FHIP2A: variants seen among roughly 807,000 people sequenced by gnomAD.
FHIP2A encodes FHF complex subunit HOOK interacting protein 2A, also known as family with sequence similarity 160 member B1.
A neutral mutation model predicts 93.5 loss-of-function variants in FHIP2A; 46 were observed. That is an observed-to-expected ratio of 0.49 (90% CI 0.39 to 0.63). The LOEUF (loss-of-function observed/expected upper bound fraction) is 0.63. Among genes scored for constraint, FHIP2A ranks in the 20% least tolerant of loss-of-function variants. The pLI, the probability that FHIP2A is intolerant of heterozygous loss-of-function variation, is 0.00. For synonymous variants in FHIP2A, 332 were observed against 326.5 expected, an observed-to-expected ratio of 1.02 and a Z score of -0.18; for missense variants, 769 against 909.7, an observed-to-expected ratio of 0.85 and a Z score of 1.99.
At chr10:114,885,255 C>T (rs892551218) in intron 16 of FHIP2A, among the ~76,000 whole-genome samples, 2 of 151,682 alleles carry the variant, frequency 1.3e-5, no homozygotes, top group Non-Finnish European at 1.5e-5. Flanking sequence ...ATTAGCTGGG[C>T]GTGGTAGCAA....
chr10:114,830,721 G>T, intron 1 of FHIP2A, 131 bp from the exon 2 acceptor site: 1 of 482,220 alleles, frequency 2.1e-6, no homozygotes, highest in Non-Finnish European at 3.7e-6. Flanking sequence ...TTTAATATCT[G>T]ACATATAAAA....
chr10:114,837,678 C>G (rs1278934369), intron 5 of FHIP2A, among the ~76,000 whole-genome samples: 1 of 152,196 alleles, frequency 6.6e-6, no homozygotes, highest in East Asian at 1.9e-4. Context: ...TGTCACACTA[C>G]CCCATGATCC....
intron 14 of FHIP2A, among the ~76,000 whole-genome samples, chr10:114,859,050 A>G (rs1208268471): frequency 1.3e-5 from 2 of 152,168 alleles, no homozygotes; most frequent in Admixed American, 6.5e-5. Flanking sequence ...ATTACCAAGT[A>G]GGAGAATTTA....
At chr10:114,870,992 G>T (rs187362034) in intron 16 of FHIP2A, among the ~76,000 whole-genome samples, 71 of 151,446 alleles carry the variant, frequency 4.7e-4, no homozygotes, top group African/African-American at 1.6e-3. Context: ...TCAGCAATGG[G>T]TCCATAGCAA....
intron 5 of FHIP2A, among the ~76,000 whole-genome samples, chr10:114,840,594 G>A: frequency 6.6e-6 from 1 of 152,202 alleles, no homozygotes; most frequent in East Asian, 1.9e-4. Flanking sequence ...AAGTAACAAG[G>A]ACTACGACCA....
At chr10:114,858,672 A>C (rs974101514) in intron 14 of FHIP2A, among the ~76,000 whole-genome samples, 1 of 150,254 alleles carries the variant, frequency 6.7e-6, no homozygotes, top group African/African-American at 2.5e-5. Context: ...ATGTGAATTC[A>C]TTGTTTATTA....
chr10:114,841,060 T>C (rs956008387), intron 5 of FHIP2A, among the ~76,000 whole-genome samples: 2 of 152,084 alleles, frequency 1.3e-5, no homozygotes, highest in South Asian at 2.1e-4. Flanking sequence ...CCTCCAGATA[T>C]TCAACAGGTC....
Position 114,833,227 on chromosome 10 carries a change from G to A in FHIP2A, c.125-6G>A, listed in dbSNP as rs1344261065. The A allele has an allele frequency of 2.5e-6, 4 of 1,595,890 alleles. No individual in the cohort carries two copies. The highest frequency in any genetic ancestry group is 3.4e-6 in the Non-Finnish European group (4 of 1,170,944). ...AAATATTTGATGAATGTTTTTTATT[G>A]TTTAGATGATAAAGCCCCAGTGACC... On this transcript the variant is annotated splice_polypyrimidine_tract_variant and splice_region_variant and intron_variant, in intron 2 of 16. Coordinates refer to ENST00000369248, the MANE Select transcript of FHIP2A (RefSeq NM_020940.4).
intron 16 of FHIP2A, among the ~76,000 whole-genome samples, chr10:114,891,307 TGAGA>T (rs1369472250): frequency 6.6e-6 from 1 of 151,116 alleles, no homozygotes; most frequent in Non-Finnish European, 1.5e-5. Flanking sequence ...TAATTCAGTG[TGAGA>T]GAAAGAATGG....
rs1001286441 is a variant in FHIP2A at position 114,864,504 on chromosome 10, G to A, written c.*2964G>A. On this transcript the variant is annotated 3_prime_UTR_variant, in exon 17 of 17. Coordinates refer to ENST00000369248, the MANE Select transcript of FHIP2A (RefSeq NM_020940.4). ...TTGTTTACATTAAACAGGATATTTG[G>A]TAAATTTTTTTGTATTGAAAGTTGT... The A allele has an allele frequency of 2.0e-6, 2 of 985,728 alleles. No homozygotes were observed. Among genetic ancestry groups the A allele is most frequent in the African/African-American group, 3.5e-5 (2 of 57,332 alleles). The allele number at this position is 985,728 out of a possible 1,614,324, so 61.1% of individuals were successfully genotyped here.
Position 114,845,483 on chromosome 10 carries a change from T to C in FHIP2A, c.1128+2T>C. The C allele has an allele frequency of 6.4e-7, 1 of 1,550,452 alleles. No homozygotes were observed. Among genetic ancestry groups the C allele is most frequent in the Non-Finnish European group, 8.9e-7 (1 of 1,129,900 alleles). ...CAGCTCATTAAGGAAGCCCAAAAGG[T>C]TTGTAATTTTTTATTGTTTTTTGAT... On this transcript the variant is annotated splice_donor_variant, in intron 8 of 16. Transcript: ENST00000369248. LOFTEE classifies it high-confidence loss of function.
intron 2 of FHIP2A, among the ~76,000 whole-genome samples, chr10:114,832,828 C>T (rs1042156696): frequency 1.3e-5 from 2 of 151,584 alleles, no homozygotes; most frequent in African/African-American, 4.9e-5. Context: ...TCTCCTGCCT[C>T]AGCCTCCTGA....
At chr10:114,824,084 A>G (rs936515132) in intron 1 of FHIP2A, among the ~76,000 whole-genome samples, 1 of 152,212 alleles carries the variant, frequency 6.6e-6, no homozygotes, top group African/African-American at 2.4e-5. Context: ...GATTTAAAGA[A>G]TACAGGTATG....
At chr10:114,892,917 A>G (rs2083982905) in intron 16 of FHIP2A, among the ~76,000 whole-genome samples, 1 of 152,186 alleles carries the variant, frequency 6.6e-6, no homozygotes, top group South Asian at 2.1e-4. Flanking sequence ...AGCTCTATAG[A>G]GGAACAACAA....
intron 16 of FHIP2A, among the ~76,000 whole-genome samples, chr10:114,877,800 A>G (rs2083896828): frequency 6.6e-6 from 1 of 152,258 alleles, no homozygotes; most frequent in Non-Finnish European, 1.5e-5. Context: ...GCATGAAGTC[A>G]TCTTGCGTCT....
intron 14 of FHIP2A, among the ~76,000 whole-genome samples, chr10:114,859,660 T>A (rs976940832): frequency 3.1e-4 from 47 of 152,352 alleles, no homozygotes; most frequent in African/African-American, 1.0e-3. Context: ...TAGCAACTCC[T>A]TGTGTAGTGT....
At chr10:114,846,952 A>G (rs2083705181) in intron 11 of FHIP2A, 138 bp from the exon 12 acceptor site, 1 of 853,866 alleles carries the variant, frequency 1.2e-6, no homozygotes, top group Admixed American at 2.9e-5. Context: ...TAATTTGCCT[A>G]GAAAATATAC....
rs139609284 is a variant in FHIP2A, at chr10:114,862,861, C to T, written c.*1321C>T. 1.2e-5 allele frequency: 12 copies of T among 985,378 alleles called. No individual in the cohort carries two copies. The African/African-American group carries it at 1.2e-4, about 10-fold the overall frequency. 61.0% of individuals were successfully genotyped at this position (985,378 alleles called of 1,614,324 possible). ...TGGGGGAACAGGCTATCAAAGGTTCCGGCTTGAAGGGAACTGTCACTACCC... is the reference window on the plus strand; with the variant it reads ...TGGGGGAACAGGCTATCAAAGGTTCTGGCTTGAAGGGAACTGTCACTACCC... On this transcript the variant is annotated 3_prime_UTR_variant, in exon 17 of 17. Transcript: ENST00000369248.
chr10:114,847,670 G>C (rs1282420905), intron 12 of FHIP2A, among the ~76,000 whole-genome samples: 1 of 151,988 alleles, frequency 6.6e-6, no homozygotes, highest in Non-Finnish European at 1.5e-5. Context: ...GCCAGGCTGC[G>C]GGCAACACTT....
Sources: allele counts gnomAD v4.1 joint callset (sites outside exome capture counted in the v4.1 genomes callset), GRCh38; gene constraint gnomAD v4.1.1; transcripts MANE v1.5; gene names NCBI Gene and HGNC (gene_info 2026-07-23, HGNC 2026-07-21).